GPC5: variants seen among roughly 807,000 people sequenced by gnomAD.
The protein encoded by GPC5 is glypican 5, also known as glypican-5.
GPC5 carries 47 observed loss-of-function variants against 53.9 expected under a neutral mutation model. The observed-to-expected ratio is 0.87, with a 90% CI of 0.69 to 1.11. The LOEUF (loss-of-function observed/expected upper bound fraction) is 1.11. GPC5 is among the 50% of genes most tolerant of loss of function. The pLI is 0.00. For missense variants in GPC5, 748 were observed against 713.1 expected (o/e 1.05, Z -0.56); for synonymous variants, 286 against 263.3 (o/e 1.09, Z -0.84).
chr13:92,833,342 C>A (rs951090442), intron 7 of GPC5, among the ~76,000 whole-genome samples: 11 of 152,204 alleles, frequency 7.2e-5, no homozygotes, highest in Admixed American at 7.2e-4. Context: ...GATAGCGTAA[C>A]ACCCAAGCAG....
intron 7 of GPC5, among the ~76,000 whole-genome samples, chr13:92,335,139 AC>A (rs1189367315): frequency 2.0e-5 from 3 of 151,836 alleles, no homozygotes; most frequent in Non-Finnish European, 4.4e-5. Context: ...TGAGAGTTCC[AC>A]CCCTGCAACA....
intron 7 of GPC5, among the ~76,000 whole-genome samples, chr13:92,771,783 A>G (rs1284768605): frequency 1.3e-5 from 2 of 152,040 alleles, no homozygotes; most frequent in East Asian, 3.9e-4. Context: ...TACAAACACC[A>G]TCTGTATTTC....
intron 7 of GPC5, among the ~76,000 whole-genome samples, chr13:92,758,705 G>C (rs1200649356): frequency 1.3e-5 from 2 of 151,996 alleles, no homozygotes; most frequent in African/African-American, 4.8e-5. Flanking sequence ...GTTTTATTAA[G>C]TTATGGTTTT....
intron 6 of GPC5, among the ~76,000 whole-genome samples, chr13:91,952,242 C>A (rs557355803): frequency 6.6e-6 from 1 of 151,782 alleles, no homozygotes; most frequent in Non-Finnish European, 1.5e-5. Flanking sequence ...CCAGGCACTG[C>A]AGTGGTTACT....
At chr13:92,468,775 C>G (rs1025888368) in intron 7 of GPC5, among the ~76,000 whole-genome samples, 1 of 152,234 alleles carries the variant, frequency 6.6e-6, no homozygotes, top group South Asian at 2.1e-4. Context: ...TGCACCCTTG[C>G]AATCATGCTC....
intron 7 of GPC5, among the ~76,000 whole-genome samples, chr13:92,564,927 T>A (rs1448985885): frequency 3.3e-5 from 5 of 152,076 alleles, no homozygotes; most frequent in Non-Finnish European, 7.4e-5. Flanking sequence ...TTTTAGGAAA[T>A]AATCAGATAA....
intron 2 of GPC5, among the ~76,000 whole-genome samples, chr13:91,583,991 A>G (rs2032467053): frequency 6.6e-6 from 1 of 152,182 alleles, no homozygotes; most frequent in African/African-American, 2.4e-5. Flanking sequence ...GGGCCTGTAA[A>G]GAGCTGGTTA....
intron 5 of GPC5, among the ~76,000 whole-genome samples, chr13:91,833,727 A>G (rs2038689987): frequency 6.6e-6 from 1 of 152,170 alleles, no homozygotes; most frequent in African/African-American, 2.4e-5. Flanking sequence ...TAAACTAGGT[A>G]TTGATGGAAC....
chr13:91,548,572 T>C (rs1246737694), intron 2 of GPC5, among the ~76,000 whole-genome samples: 1 of 152,168 alleles, frequency 6.6e-6, no homozygotes, highest in Non-Finnish European at 1.5e-5. Flanking sequence ...TCAGTAAAAA[T>C]CTTATGAAGT....
At chr13:91,540,818 C>A (rs1026263672) in intron 2 of GPC5, among the ~76,000 whole-genome samples, 1 of 151,884 alleles carries the variant, frequency 6.6e-6, no homozygotes, top group Admixed American at 6.6e-5. Context: ...AAATATGTGG[C>A]CCAGATGACA....
At chr13:92,138,492 G>A (rs998313487) in intron 6 of GPC5, among the ~76,000 whole-genome samples, 1 of 151,528 alleles carries the variant, frequency 6.6e-6, no homozygotes, top group Non-Finnish European at 1.5e-5. Flanking sequence ...TGCGCTCCAG[G>A]CTGGGTGACA....
chr13:91,639,298 C>A (rs911980850), intron 2 of GPC5, among the ~76,000 whole-genome samples: 1 of 152,156 alleles, frequency 6.6e-6, no homozygotes, highest in African/African-American at 2.4e-5. Context: ...ATTATGAAGT[C>A]TGGGACATTC....
intron 5 of GPC5, among the ~76,000 whole-genome samples, chr13:91,820,201 G>T (rs563880895): frequency 2.0e-5 from 3 of 151,848 alleles, no homozygotes; most frequent in South Asian, 2.1e-4. Flanking sequence ...TACCATTTTC[G>T]TGGTGTCTGT....
intron 7 of GPC5, among the ~76,000 whole-genome samples, chr13:92,634,391 C>T (rs920234737): frequency 1.3e-5 from 2 of 151,870 alleles, no homozygotes; most frequent in Non-Finnish European, 2.9e-5. Context: ...AAAGGTGAGG[C>T]CTTTTGTATC....
At chr13:91,494,853 C>T (rs1884162451) in intron 2 of GPC5, among the ~76,000 whole-genome samples, 1 of 152,086 alleles carries the variant, frequency 6.6e-6, no homozygotes, top group African/African-American at 2.4e-5. Context: ...TAAACTGTAC[C>T]AGGGTTCATT....
At chr13:92,850,716 C>A (rs1376859351) in intron 7 of GPC5, among the ~76,000 whole-genome samples, 1 of 152,130 alleles carries the variant, frequency 6.6e-6, no homozygotes, top group Non-Finnish European at 1.5e-5. Context: ...AGGAGTTATC[C>A]CTTCCTCCAC....
chr13:92,471,287 A>T (rs935409108), intron 7 of GPC5, among the ~76,000 whole-genome samples: 1 of 151,786 alleles, frequency 6.6e-6, no homozygotes, highest in Non-Finnish European at 1.5e-5. Flanking sequence ...AATATATCAG[A>T]CTCCCTCTAC....
intron 6 of GPC5, among the ~76,000 whole-genome samples, chr13:92,115,656 C>T (rs1372930365): frequency 6.6e-6 from 1 of 152,188 alleles, no homozygotes; most frequent in African/African-American, 2.4e-5. Flanking sequence ...CAAGCAGCGT[C>T]TGGAGTCTGG....
chr13:91,874,104 G>A (rs964521652), intron 5 of GPC5, among the ~76,000 whole-genome samples: 2 of 152,170 alleles, frequency 1.3e-5, no homozygotes, highest in African/African-American at 4.8e-5. Context: ...AGTCATGCCT[G>A]GAACATAGTA....
Sources: allele counts gnomAD v4.1 joint callset (sites outside exome capture counted in the v4.1 genomes callset), GRCh38; gene constraint gnomAD v4.1.1; transcripts MANE v1.5; gene names NCBI Gene and HGNC (gene_info 2026-07-23, HGNC 2026-07-21).